LARP1B: variants seen among roughly 807,000 people sequenced by gnomAD.
LARP1B encodes the protein La ribonucleoprotein 1B.
A neutral mutation model predicts 114.2 loss-of-function variants in LARP1B; 76 were observed. The ratio of observed to expected loss-of-function variants is 0.67; its 90% CI spans 0.55 to 0.81. The LOEUF is 0.81. LARP1B is among the 30% of genes least tolerant of loss of function. LARP1B has a pLI of 0.00. For synonymous variants in LARP1B, 345 were observed against 348.0 expected, an observed-to-expected ratio of 0.99 and a Z score of 0.10; for missense variants, 1,014 against 1,075.8, an observed-to-expected ratio of 0.94 and a Z score of 0.80.
At chr4:128,172,442 C>T (rs1333758864) in intron 12 of LARP1B, among the ~76,000 whole-genome samples, 3 of 152,040 alleles carry the variant, frequency 2.0e-5, no homozygotes, top group Non-Finnish European at 4.4e-5. Context: ...CCTATAATCC[C>T]AGCACTTTGG....
chr4:128,182,164 AGT>A (rs1359093089), intron 15 of LARP1B, among the ~76,000 whole-genome samples: 7 of 122,366 alleles, frequency 5.7e-5, no homozygotes, highest in African/African-American at 2.2e-4. Context: ...CACAGGCTGG[AGT>A]TCTGTGGCAC....
At chr4:128,171,496 G>A (rs191391455) in intron 12 of LARP1B, among the ~76,000 whole-genome samples, 1 of 152,218 alleles carries the variant, frequency 6.6e-6, no homozygotes, top group African/African-American at 2.4e-5. Flanking sequence ...ATCAGACAAT[G>A]TTTGATTGTC....
rs777691424 is a variant in LARP1B, at chr4:128,074,914, A to G, written c.-18-20A>G. 1.3e-6 allele frequency: 2 copies of G among 1,547,704 alleles called. No homozygotes were observed. Among genetic ancestry groups the G allele is most frequent in the South Asian group, 1.2e-5 (1 of 85,978 alleles). On this transcript the variant is annotated intron_variant, in intron 2 of 19. Coordinates refer to ENST00000326639, the MANE Select transcript of LARP1B (RefSeq NM_018078.4). The stretch of plus-strand genomic sequence containing the variant: ...TTCTAAAAGTAATTTCAGACCTAAC[A>G]CTTATTTGTTACTTCTTAGGCTAGT...
At chr4:128,064,042 C>T (rs1044662235) in intron 1 of LARP1B, among the ~76,000 whole-genome samples, 2 of 151,902 alleles carry the variant, frequency 1.3e-5, no homozygotes, top group Non-Finnish European at 2.9e-5. Flanking sequence ...GAGGCCGAGG[C>T]GGGTGGATCA....
chr4:128,111,043 AT>A (rs765576523), intron 9 of LARP1B, among the ~76,000 whole-genome samples: 3,639 of 136,234 alleles, frequency 0.027, 84 homozygotes, highest in African/African-American at 0.071. Context: ...AAAACTCATA[AT>A]TTTTTTTTTT....
intron 8 of LARP1B, among the ~76,000 whole-genome samples, chr4:128,099,286 C>CTTTTTTTTT (rs1779419145): frequency 1.4e-5 from 2 of 146,304 alleles, no homozygotes; most frequent in Admixed American, 6.9e-5. Context: ...TTCTTTTTTT[C>CTTTTTTTTT]TTTCTTTTTT....
intron 10 of LARP1B, among the ~76,000 whole-genome samples, chr4:128,120,823 T>C (rs1435129785): frequency 2.0e-5 from 2 of 101,044 alleles, no homozygotes; most frequent in South Asian, 3.7e-4. Flanking sequence ...TTTTTTTTTT[T>C]TTCTTCAGAC....
chr4:128,064,754 A>G (rs999728177), intron 1 of LARP1B, among the ~76,000 whole-genome samples: 1 of 152,074 alleles, frequency 6.6e-6, no homozygotes. Flanking sequence ...CTTCGAAGCC[A>G]TACATGGTAG....
chr4:128,200,071 G>A (rs931179198), intron 16 of LARP1B, among the ~76,000 whole-genome samples: 22 of 152,316 alleles, frequency 1.4e-4, no homozygotes, highest in Admixed American at 2.0e-4. Context: ...GGGCAACAGA[G>A]TGAGACTCTG....
intron 17 of LARP1B, among the ~76,000 whole-genome samples, chr4:128,203,318 T>TCC (rs1363722103): frequency 4.8e-5 from 7 of 146,700 alleles, no homozygotes; most frequent in Admixed American, 1.4e-4. Context: ...TGATTCCCTC[T>TCC]CTCCCTCCCT....
At position 128,200,617 on chromosome 4, in the gene LARP1B, A is replaced by G. The variant is rs1276324256; in HGVS notation, c.2261A>G (p.Tyr754Cys). The change falls in exon 17 of 20, where the codon TAT becomes TGT. Residue 754 changes from tyrosine (Y) to cysteine (C), a missense_variant. Transcript: ENST00000326639. ...AGAGATCACTTCAATAAAAAAATGTATGAGGAATTTAGACAACTTGCTTGG... is the reference window on the plus strand; with the variant it reads ...AGAGATCACTTCAATAAAAAAATGTGTGAGGAATTTAGACAACTTGCTTGG... The part of the protein sequence containing the change: ...FLRDHFNKKM[Y>C]EEFRQLAWED... The G allele has an allele frequency of 1.9e-6, 3 of 1,590,568 alleles. No homozygotes were observed. The highest frequency in any genetic ancestry group is 2.3e-5 in the East Asian group (1 of 44,094).
chr4:128,137,701 C>T (rs1725987141), intron 11 of LARP1B, among the ~76,000 whole-genome samples: 2 of 150,092 alleles, frequency 1.3e-5, no homozygotes, highest in South Asian at 4.2e-4. Context: ...TTTATCATTT[C>T]TTTGTATTTG....
chr4:128,088,429 T>C (rs1774549988), intron 5 of LARP1B, among the ~76,000 whole-genome samples: 1 of 152,182 alleles, frequency 6.6e-6, no homozygotes, highest in African/African-American at 2.4e-5. Context: ...CCTACTTTTC[T>C]TTAGATTAAT....
At chr4:128,091,168 T>G in intron 6 of LARP1B, 24 bp downstream of exon 6, 1 of 1,601,850 alleles carries the variant, frequency 6.2e-7, no homozygotes, top group Non-Finnish European at 8.5e-7. Flanking sequence ...TTTGTTTCGT[T>G]AAATTAGATA....
chr4:128,191,462 T>A (rs916532110), intron 15 of LARP1B, among the ~76,000 whole-genome samples: 16 of 152,186 alleles, frequency 1.1e-4, no homozygotes, highest in Non-Finnish European at 1.8e-4. Context: ...TGTATATCAG[T>A]GCCTCCTTTT....
intron 5 of LARP1B, among the ~76,000 whole-genome samples, chr4:128,087,381 T>G (rs2149526615): frequency 6.6e-6 from 1 of 152,324 alleles, no homozygotes. Flanking sequence ...TTTACAGACT[T>G]AATATTAGCA....
At chr4:128,120,637 T>G (rs1358914814) in intron 10 of LARP1B, among the ~76,000 whole-genome samples, 1 of 150,098 alleles carries the variant, frequency 6.7e-6, no homozygotes, top group Non-Finnish European at 1.5e-5. Flanking sequence ...ACCTGGGTAA[T>G]TTTTGCATTT....
In LARP1B at chr4:128,211,864, T is replaced by C. The variant is rs1274937403; in HGVS notation, c.*1811T>C. On this transcript the variant is annotated 3_prime_UTR_variant, in exon 20 of 20. Transcript: ENST00000326639. ...GAAAATACAATAATCAGGAGTTTTG[T>C]GGTTTGTATTAATTAGTAGTTTTAT... 4 of 592,462 alleles carry C rather than the reference T, an allele frequency of 6.8e-6. No individual in the cohort carries two copies. The highest frequency in any genetic ancestry group is 6.0e-5 in the African/African-American group (3 of 50,018). 36.7% of individuals were successfully genotyped at this position (592,462 alleles called of 1,614,324 possible).
chr4:128,221,025 A>G (rs1759982915), intron 7 of LARP1B, among the ~76,000 whole-genome samples: 1 of 152,214 alleles, frequency 6.6e-6, no homozygotes, highest in South Asian at 2.1e-4. Context: ...CTCAACTGCA[A>G]TGATTCTTAA....
Sources: gnomAD v4.1 joint callset for allele counts (sites outside exome capture counted in the v4.1 genomes callset) on GRCh38, gnomAD v4.1.1 for gene constraint, MANE v1.5 for transcripts, NCBI Gene and HGNC (gene_info 2026-07-23, HGNC 2026-07-21) for gene names.